SLC22A23: variants seen among roughly 807,000 people sequenced by gnomAD.
SLC22A23 encodes the protein solute carrier family 22 member 23.
SLC22A23 carries 26 observed loss-of-function variants against 61.0 expected under a neutral mutation model. The observed-to-expected ratio is 0.43, with a 90% CI of 0.31 to 0.59. The LOEUF (loss-of-function observed/expected upper bound fraction) is 0.59, where lower values mean the gene tolerates loss of function less well. Among genes scored for constraint, SLC22A23 ranks in the 20% least tolerant of loss-of-function variants. The probability of loss-of-function intolerance (pLI) is 0.11; values close to 1 mark genes in which losing one functional copy is unlikely to be tolerated. For synonymous variants in SLC22A23, 430 were observed against 413.9 expected (o/e 1.04, Z -0.47); for missense variants, 796 against 934.7 (o/e 0.85, Z 1.94).
At position 3,317,211 on chromosome 6, in the gene SLC22A23, G is replaced by A. The variant is rs1264950691; in HGVS notation, c.1082+6623C>T. ...GATCTTCCATGCTGCGGTTTTCTAG[G>A]ATGTTCTAACGTAACGTAGACCTGG... is the stretch of plus-strand genomic sequence containing the variant. On this transcript the variant is annotated intron_variant, in intron 4 of 9. Coordinates refer to ENST00000406686, the MANE Select transcript of SLC22A23 (RefSeq NM_015482.2). This position sits in a 1 kb window ranked among gnomAD's most constrained non-coding sequence, Gnocchi z 4.4. Among the ~76,000 whole-genome samples the A allele has an allele frequency of 1.3e-5, 2 of 152,148 alleles. No homozygotes were observed. The highest frequency in any genetic ancestry group is 4.8e-5 in the African/African-American group (2 of 41,414).
Position 3,414,721 on chromosome 6 carries a change from C to CAAAAAAAAA in SLC22A23, c.758+1022_758+1030dup, listed in dbSNP as rs60880355. Among the ~76,000 whole-genome samples, 4 of 89,510 alleles carry CAAAAAAAAA rather than the reference C, an allele frequency of 4.5e-5. No homozygotes were observed. The highest frequency in any genetic ancestry group is 1.8e-4 in the African/African-American group (4 of 22,840). 58.7% of individuals were successfully genotyped at this position (89,510 alleles called of 152,430 possible). ...TCAAGGCCAAGATGTCTCGATTCAC[C>CAAAAAAAAA]AAAAAAAAAAAAAAAAAAAAAAATC... On this transcript the variant is annotated intron_variant, in intron 2 of 9. Transcript: ENST00000406686. This position sits in a 1 kb window ranked among gnomAD's most constrained non-coding sequence, Gnocchi z 5.1.
chr6:3,308,019 A>G lies in SLC22A23; in HGVS notation c.1083-9801T>C, dbSNP rs1291865996. Among the ~76,000 whole-genome samples the G allele has an allele frequency of 6.6e-6, 1 of 152,116 alleles. No homozygotes were observed. The highest frequency in any genetic ancestry group is 1.5e-5 in the Non-Finnish European group (1 of 68,024). On this transcript the variant is annotated intron_variant, in intron 4 of 9. Transcript: ENST00000406686. This position sits in a 1 kb window ranked among gnomAD's most constrained non-coding sequence, Gnocchi z 5.1. ...TGACATTCCACTCACATCAGGCACT[A>G]GAGGAGTCAAATTCATAGCAAGTAG...
intron 6 of SLC22A23, among the ~76,000 whole-genome samples, chr6:3,287,373 G>GT (rs1444587679): frequency 1.3e-5 from 2 of 152,220 alleles, no homozygotes; most frequent in Non-Finnish European, 2.9e-5. Context: ...GAGTCCTTTT[G>GT]TTAAAACACA....
At chr6:3,397,149 TCCCACA>T (rs1768067358) in intron 3 of SLC22A23, among the ~76,000 whole-genome samples, 1 of 152,186 alleles carries the variant, frequency 6.6e-6, no homozygotes, top group Non-Finnish European at 1.5e-5. Flanking sequence ...CACTCTCCCA[TCCCACA>T]CCCTGCAAGG....
chr6:3,420,172 T>C (rs13204048), intron 1 of SLC22A23, among the ~76,000 whole-genome samples: 51,893 of 150,296 alleles, frequency 0.35, 9,496 homozygotes, highest in East Asian at 0.48. Context: ...GTGAGACAAA[T>C]GACTCCAGAG....
intron 3 of SLC22A23, among the ~76,000 whole-genome samples, chr6:3,374,710 T>G (rs898948191): frequency 1.3e-5 from 2 of 152,212 alleles, no homozygotes; most frequent in African/African-American, 4.8e-5. Context: ...GCCGAAGCCC[T>G]GAAGCAGAGC....
chr6:3,304,060 G>A lies in SLC22A23; in HGVS notation c.1083-5842C>T, dbSNP rs915437461. Among the ~76,000 whole-genome samples, 2 of 152,222 alleles carry A rather than the reference G, an allele frequency of 1.3e-5. No homozygotes were observed. Among genetic ancestry groups the A allele is most frequent in the African/African-American group, 4.8e-5 (2 of 41,462 alleles). On this transcript the variant is annotated intron_variant, in intron 4 of 9. Coordinates refer to ENST00000406686, the MANE Select transcript of SLC22A23 (RefSeq NM_015482.2). This position sits in a 1 kb window ranked among gnomAD's most constrained non-coding sequence, Gnocchi z 4.3. ...CTGGAATTCCATCAGTCCAGGCATTGGATCCCAGAGAGGATTCAATTCTGC... is the reference window on the plus strand; with the variant it reads ...CTGGAATTCCATCAGTCCAGGCATTAGATCCCAGAGAGGATTCAATTCTGC...
intron 3 of SLC22A23, among the ~76,000 whole-genome samples, chr6:3,344,816 G>A (rs1026886051): frequency 1.3e-5 from 2 of 152,228 alleles, no homozygotes; most frequent in African/African-American, 4.8e-5. Context: ...TCCACCTGCT[G>A]CCTCCTTAAA....
chr6:3,354,198 C>T (rs1013355514), intron 3 of SLC22A23, among the ~76,000 whole-genome samples: 1 of 152,244 alleles, frequency 6.6e-6, no homozygotes, highest in Non-Finnish European at 1.5e-5. Flanking sequence ...CACACAAACA[C>T]ATAGCATGGT....
In SLC22A23 at chr6:3,327,888, A is replaced by G. The variant is rs186093397; in HGVS notation, c.914-3886T>C. Among the ~76,000 whole-genome samples the G allele has an allele frequency of 6.7e-3, 1,020 of 152,284 alleles. 4 individuals carry two copies. The highest frequency in any genetic ancestry group is 0.014 in the Middle Eastern group (4 of 294). ...ATTTTGTGCATGAAACAAAGTTTTG[A>G]CTGAGACCCATCATATAAGGTCATG... On this transcript the variant is annotated intron_variant, in intron 3 of 9. Coordinates refer to ENST00000406686, the MANE Select transcript of SLC22A23 (RefSeq NM_015482.2). The surrounding 1 kb of genome is among the most constrained non-coding windows in gnomAD (Gnocchi z 4.1).
chr6:3,402,117 T>C (rs144397451), intron 3 of SLC22A23, among the ~76,000 whole-genome samples: 2 of 152,324 alleles, frequency 1.3e-5, no homozygotes, highest in African/African-American at 4.8e-5. Flanking sequence ...TCCTCAGTCA[T>C]TGAGGCTGTG....
intron 3 of SLC22A23, among the ~76,000 whole-genome samples, chr6:3,403,818 A>G (rs10900942): frequency 0.41 from 62,555 of 152,036 alleles, 14,053 homozygotes; most frequent in African/African-American, 0.61. Flanking sequence ...TTTTCCATTC[A>G]TTTTCTCCAC....
intron 3 of SLC22A23, among the ~76,000 whole-genome samples, chr6:3,355,860 G>A (rs1237727032): frequency 6.6e-6 from 1 of 150,690 alleles, no homozygotes; most frequent in African/African-American, 2.4e-5. Flanking sequence ...ACACGGAGGA[G>A]CCACTGGATA....
At chr6:3,431,335 T>C (rs1770850447) in intron 1 of SLC22A23, among the ~76,000 whole-genome samples, 1 of 152,232 alleles carries the variant, frequency 6.6e-6, no homozygotes, top group South Asian at 2.1e-4. Context: ...GATGCTACTG[T>C]TGTTAGAAAT....
In SLC22A23 at chr6:3,391,292, G is replaced by A. The variant is rs192663846; in HGVS notation, c.913+18896C>T. ...CTGTAGGATGTGGGTTGAGCAACAGGTTTTGAATCCCACCAACTGTTCGGG... is the reference window on the plus strand; with the variant it reads ...CTGTAGGATGTGGGTTGAGCAACAGATTTTGAATCCCACCAACTGTTCGGG... On this transcript the variant is annotated intron_variant, in intron 3 of 9. Transcript: ENST00000406686. Among the ~76,000 whole-genome samples, 284 of 152,320 alleles carry A rather than the reference G, an allele frequency of 1.9e-3. 2 individuals are homozygous for A. The highest frequency in any genetic ancestry group is 6.0e-3 in the African/African-American group (248 of 41,584).
In SLC22A23 at chr6:3,323,799, G is replaced by T. The variant is rs377404779; in HGVS notation, c.1082+35C>A. On this transcript the variant is annotated intron_variant, in intron 4 of 9. Transcript: ENST00000406686. ...GGGCCTTCAGGAAGCATGTGCAGTCGCACCAGCCCAGGGCGCTGTGCAGAG... is the reference window on the plus strand; with the variant it reads ...GGGCCTTCAGGAAGCATGTGCAGTCTCACCAGCCCAGGGCGCTGTGCAGAG... 2.5e-6 allele frequency: 4 copies of T among 1,581,360 alleles called. No homozygotes were observed. In the African/African-American group the frequency reaches 5.4e-5, roughly 21 times the overall value.
intron 1 of SLC22A23, among the ~76,000 whole-genome samples, chr6:3,441,664 C>T (rs1169124868): frequency 1.3e-5 from 2 of 152,198 alleles, no homozygotes; most frequent in Admixed American, 6.5e-5. Context: ...GCCAAGGCAC[C>T]TCACAGTGCA....
chr6:3,445,786 TATTA>T (rs1445647270), intron 1 of SLC22A23, among the ~76,000 whole-genome samples: 1 of 151,940 alleles, frequency 6.6e-6, no homozygotes, highest in Admixed American at 6.6e-5. Context: ...GGCTGGGAAC[TATTA>T]ATATATACAA....
In SLC22A23 at chr6:3,368,212, C is replaced by T. The variant is rs75032522; in HGVS notation, c.913+41976G>A. Among the ~76,000 whole-genome samples, 29 of 152,322 alleles carry T rather than the reference C, an allele frequency of 1.9e-4. 1 individual carries two copies. In the East Asian group the frequency reaches 5.4e-3, roughly 28 times the overall value. ...CATCTTGGGGATACGTTCCCCTCTCCAGCCCCTCACACCCTGCTCTTCCAC... is the reference window on the plus strand; with the variant it reads ...CATCTTGGGGATACGTTCCCCTCTCTAGCCCCTCACACCCTGCTCTTCCAC... On this transcript the variant is annotated intron_variant, in intron 3 of 9. Coordinates refer to ENST00000406686, the MANE Select transcript of SLC22A23 (RefSeq NM_015482.2).
Sources: gnomAD v4.1 joint callset for allele counts (sites outside exome capture counted in the v4.1 genomes callset) on GRCh38, gnomAD v4.1.1 for gene constraint, Gnocchi (gnomAD v3.1) non-coding constraint, MANE v1.5 for transcripts, NCBI Gene and HGNC (gene_info 2026-07-23, HGNC 2026-07-21) for gene names.